Variants in B3GAT2 observed in about 807,000 individuals in gnomAD.
The protein encoded by B3GAT2 is galactosylgalactosylxylosylprotein 3-beta-glucuronosyltransferase 2.
B3GAT2 carries 26 observed loss-of-function variants against 27.8 expected under a neutral mutation model. The observed-to-expected ratio is 0.93, with a 90% confidence interval of 0.68 to 1.30. The LOEUF is 1.30. Among genes scored for constraint, B3GAT2 ranks in the 50% most tolerant of loss-of-function variants. B3GAT2 has a pLI of 0.00. For synonymous variants in B3GAT2, 218 were observed against 195.1 expected (o/e 1.12, Z -0.98); for missense variants, 458 against 459.0 (o/e 1.00, Z 0.02).
chr6:70,884,580 A>G (rs190852121), intron 2 of B3GAT2, among the ~76,000 whole-genome samples: 12 of 152,302 alleles, frequency 7.9e-5, no homozygotes, highest in Admixed American at 6.5e-4. Flanking sequence ...TCATAACTGC[A>G]TAAGCCAAGG....
intron 2 of B3GAT2, among the ~76,000 whole-genome samples, chr6:70,870,555 AG>A (rs1383278123): frequency 6.6e-6 from 1 of 152,074 alleles, no homozygotes; most frequent in African/African-American, 2.4e-5. Context: ...AATAAAAAAA[AG>A]AAAAAAAAAG....
At chr6:70,937,744 G>C (rs1460375727) in intron 1 of B3GAT2, among the ~76,000 whole-genome samples, 1 of 152,012 alleles carries the variant, frequency 6.6e-6, no homozygotes, top group Non-Finnish European at 1.5e-5. Context: ...GTATTGATGG[G>C]ACGTATCTCA....
At chr6:70,942,392 A>T (rs1242772042) in intron 1 of B3GAT2, among the ~76,000 whole-genome samples, 2 of 152,172 alleles carry the variant, frequency 1.3e-5, no homozygotes, top group Non-Finnish European at 2.9e-5. Context: ...CATCAAGAAC[A>T]TCCTTCAGGT....
intron 2 of B3GAT2, among the ~76,000 whole-genome samples, chr6:70,870,578 T>A (rs1771918397): frequency 6.6e-6 from 1 of 152,054 alleles, no homozygotes; most frequent in Non-Finnish European, 1.5e-5. Flanking sequence ...GTTTTCCTTT[T>A]CAACAGAGAT....
At chr6:70,918,907 T>C (rs1004747261) in intron 1 of B3GAT2, among the ~76,000 whole-genome samples, 12 of 152,160 alleles carry the variant, frequency 7.9e-5, no homozygotes, top group African/African-American at 2.2e-4. Context: ...ATCTTTGTGG[T>C]GTTCTCTGTA....
chr6:70,909,625 T>G (rs1345560147), intron 1 of B3GAT2, among the ~76,000 whole-genome samples: 1 of 152,222 alleles, frequency 6.6e-6, no homozygotes, highest in African/African-American at 2.4e-5. Context: ...GTATGTAAAG[T>G]GCTTAGCACA....
chr6:70,920,217 G>A (rs1252491222), intron 1 of B3GAT2, among the ~76,000 whole-genome samples: 1 of 152,214 alleles, frequency 6.6e-6, no homozygotes, highest in Admixed American at 6.5e-5. Context: ...CATGAGCGTG[G>A]GACCCACCGA....
At chr6:70,863,079 A>G (rs754643589) in intron 2 of B3GAT2, among the ~76,000 whole-genome samples, 1 of 152,210 alleles carries the variant, frequency 6.6e-6, no homozygotes, top group East Asian at 1.9e-4. Context: ...TCAGCAAGTA[A>G]TAATTGTTTT....
intron 1 of B3GAT2, among the ~76,000 whole-genome samples, chr6:70,939,357 G>A (rs1047653451): frequency 1.4e-5 from 2 of 147,478 alleles, no homozygotes; most frequent in Non-Finnish European, 3.0e-5. Flanking sequence ...CAGGGATCTA[G>A]AACTAGAAAT....
rs575008239 is a variant in B3GAT2, at chr6:70,861,991, T to TA, written c.737-14dup. ...CTTACAGCAAATCCTTTGTGAAAAA[T>TA]AAAAAAAAAAAAGAGACTTTAAAAT... On this transcript the variant is annotated splice_polypyrimidine_tract_variant and intron_variant, in intron 2 of 3. Coordinates refer to ENST00000230053, the MANE Select transcript of B3GAT2 (RefSeq NM_080742.3). 0.04 allele frequency: 43,302 copies of TA among 1,073,306 alleles called. 9 individuals are homozygous for TA. Among genetic ancestry groups the TA allele is most frequent in the Middle Eastern group, 0.05 (193 of 3,840 alleles). 66.5% of individuals were successfully genotyped at this position (1,073,306 alleles called of 1,614,324 possible).
intron 1 of B3GAT2, among the ~76,000 whole-genome samples, chr6:70,930,529 G>A (rs1224163006): frequency 1.3e-5 from 2 of 152,138 alleles, no homozygotes; most frequent in Non-Finnish European, 2.9e-5. Flanking sequence ...AAAAGTGGGC[G>A]AAGGATATGA....
rs191356822 is a variant in B3GAT2 at position 70,860,554 on chromosome 6, T to G, written c.*1109A>C. 2.1e-6 allele frequency: 1 copy of G among 474,772 alleles called. No individual in the cohort carries two copies. Among genetic ancestry groups the G allele is most frequent in the African/African-American group, 2.0e-5 (1 of 50,366 alleles). The allele number at this position is 474,772 out of a possible 1,614,324, so 29.4% of individuals were successfully genotyped here. A position where few individuals can be genotyped will look rare whatever the true frequency, so the allele number is the denominator to read the frequency against. ...ATGTCAAGGGCAGCTTTGCTCATAT[T>G]TCCCATGATTTCATGTACTGCATTA... On this transcript the variant is annotated 3_prime_UTR_variant, in exon 4 of 4. Coordinates refer to ENST00000230053, the MANE Select transcript of B3GAT2 (RefSeq NM_080742.3).
intron 1 of B3GAT2, among the ~76,000 whole-genome samples, chr6:70,946,336 A>G (rs530087454): frequency 4.6e-5 from 7 of 152,246 alleles, no homozygotes; most frequent in African/African-American, 1.7e-4. Flanking sequence ...CAGGAAACCC[A>G]TCTCACGTGC....
chr6:70,902,562 A>G (rs978324894), intron 1 of B3GAT2, among the ~76,000 whole-genome samples: 1 of 151,404 alleles, frequency 6.6e-6, no homozygotes, highest in African/African-American at 2.4e-5. Context: ...CACAATAGCC[A>G]AGATACAAAA....
intron 1 of B3GAT2, among the ~76,000 whole-genome samples, chr6:70,927,035 G>T (rs1040429973): frequency 6.6e-6 from 1 of 152,156 alleles, no homozygotes; most frequent in Admixed American, 6.5e-5. Context: ...CATGCTTAAA[G>T]AAAAGAATTT....
At chr6:70,928,894 T>G (rs1582387221) in intron 1 of B3GAT2, among the ~76,000 whole-genome samples, 1 of 152,172 alleles carries the variant, frequency 6.6e-6, no homozygotes, top group East Asian at 1.9e-4. Flanking sequence ...CATGCTGTTA[T>G]AAAGACACAT....
intron 2 of B3GAT2, among the ~76,000 whole-genome samples, chr6:70,886,142 T>C (rs1490475412): frequency 6.6e-6 from 1 of 152,230 alleles, no homozygotes; most frequent in East Asian, 1.9e-4. Flanking sequence ...CAAGAAACTG[T>C]TCTGCAGGCT....
At chr6:70,876,097 T>C (rs1562215677) in intron 2 of B3GAT2, among the ~76,000 whole-genome samples, 1 of 152,218 alleles carries the variant, frequency 6.6e-6, no homozygotes, top group East Asian at 1.9e-4. Context: ...AGTTTACTTG[T>C]ATATGCTGGG....
chr6:70,899,897 T>A (rs556139450), intron 1 of B3GAT2, among the ~76,000 whole-genome samples: 1 of 152,200 alleles, frequency 6.6e-6, no homozygotes, highest in Admixed American at 6.5e-5. Context: ...AACTAAAATA[T>A]TCTCAGTATT....
Sources: gnomAD v4.1 joint callset for allele counts (sites outside exome capture counted in the v4.1 genomes callset) on GRCh38, gnomAD v4.1.1 for gene constraint, MANE v1.5 for transcripts, NCBI Gene and HGNC (gene_info 2026-07-23, HGNC 2026-07-21) for gene names.